Variants in DLG2 observed in about 807,000 individuals in gnomAD.
DLG2 encodes the protein discs large MAGUK scaffold protein 2.
A neutral mutation model predicts 132.5 loss-of-function variants in DLG2; 45 were observed. That is an observed-to-expected ratio of 0.34 (90% CI 0.27 to 0.44). The LOEUF is 0.44. DLG2 is among the 20% of genes least tolerant of loss of function. The pLI, the probability that DLG2 is intolerant of heterozygous loss-of-function variation, is 1.00. For synonymous variants in DLG2, 424 were observed against 419.6 expected, an observed-to-expected ratio of 1.01 and a Z score of -0.13; for missense variants, 1,045 against 1,196.9, an observed-to-expected ratio of 0.87 and a Z score of 1.87.
chr11:84,147,403 G>A (rs1049778422), intron 9 of DLG2, among the ~76,000 whole-genome samples: 2 of 152,078 alleles, frequency 1.3e-5, no homozygotes, highest in Admixed American at 6.6e-5. Flanking sequence ...TTTAATGCAC[G>A]ACAAAACACT....
At chr11:83,920,117 G>A (rs564493085) in intron 15 of DLG2, among the ~76,000 whole-genome samples, 6 of 152,208 alleles carry the variant, frequency 3.9e-5, no homozygotes, top group East Asian at 1.9e-4. Context: ...GGCTTTGGCC[G>A]CTTAGTAGTG....
At chr11:84,768,809 C>T (rs1474246860) in intron 6 of DLG2, among the ~76,000 whole-genome samples, 1 of 152,022 alleles carries the variant, frequency 6.6e-6, no homozygotes, top group Non-Finnish European at 1.5e-5. Context: ...ATCTCTCTAG[C>T]CCAGCTCCTA....
intron 3 of DLG2, among the ~76,000 whole-genome samples, chr11:85,356,729 T>C (rs1006785403): frequency 2.0e-5 from 3 of 152,154 alleles, no homozygotes; most frequent in Non-Finnish European, 4.4e-5. Flanking sequence ...GCAGGAATCA[T>C]GTCTACTTTG....
At chr11:84,625,595 G>T (rs1166151257) in intron 6 of DLG2, among the ~76,000 whole-genome samples, 1 of 152,140 alleles carries the variant, frequency 6.6e-6, no homozygotes, top group Non-Finnish European at 1.5e-5. Context: ...CCTCATTTCT[G>T]TTGGAGGAAA....
chr11:83,622,119 G>C lies in DLG2; in HGVS notation c.1940+11092C>G, dbSNP rs144843759. Reference sequence around the variant, plus strand: ...TTTGTTTTGTTTTTGGTAGAGATGGGGTTTCACCATGTTGCCCAGGCTGGT... The same window carrying C: ...TTTGTTTTGTTTTTGGTAGAGATGGCGTTTCACCATGTTGCCCAGGCTGGT... On this transcript the variant is annotated intron_variant, in intron 19 of 27. Coordinates refer to ENST00000376104, the MANE Select transcript of DLG2 (RefSeq NM_001142699.3). Among the ~76,000 whole-genome samples, 464 of 152,124 alleles carry C rather than the reference G, an allele frequency of 3.1e-3. 7 individuals carry two copies. The highest frequency in any genetic ancestry group is 0.011 in the African/African-American group (442 of 41,488).
Position 85,283,117 on chromosome 11 carries a change from G to GA in DLG2, c.186+2102dup, listed in dbSNP as rs763518171. 1.1e-4 allele frequency among the ~76,000 whole-genome samples: 17 copies of GA among 152,006 alleles called. No homozygotes were observed. The South Asian group carries it at 1.2e-3, about 11-fold the overall frequency. ...GAGGGTGGGAAGAGGGAAAGGATCA[G>GA]AAAAAATAACTACTGGTTACTTAGC... is the stretch of plus-strand genomic sequence containing the variant. On this transcript the variant is annotated intron_variant, in intron 4 of 27. Transcript: ENST00000376104.
chr11:83,462,387 C>T (rs1019039093), intron 26 of DLG2, among the ~76,000 whole-genome samples: 1 of 152,182 alleles, frequency 6.6e-6, no homozygotes, highest in African/African-American at 2.4e-5. Context: ...TAATATCCTC[C>T]ATGGTAGGCC....
At chr11:85,618,041 T>C (rs188843090) in intron 2 of DLG2, among the ~76,000 whole-genome samples, 7 of 152,328 alleles carry the variant, frequency 4.6e-5, no homozygotes, top group Non-Finnish European at 1.0e-4. Context: ...TGAAGGTGAT[T>C]TGGCCATAAT....
chr11:83,664,256 C>T (rs1054098939), intron 18 of DLG2, among the ~76,000 whole-genome samples: 1 of 152,124 alleles, frequency 6.6e-6, no homozygotes, highest in African/African-American at 2.4e-5. Flanking sequence ...AAATAGGCAG[C>T]AGTGGTGTGA....
chr11:84,709,854 A>T (rs2060181986), intron 6 of DLG2, among the ~76,000 whole-genome samples: 1 of 151,834 alleles, frequency 6.6e-6, no homozygotes, highest in African/African-American at 2.4e-5. Context: ...TAGAAAATCA[A>T]ATTATTTTTC....
intron 4 of DLG2, among the ~76,000 whole-genome samples, chr11:85,160,662 G>A (rs558002177): frequency 4.6e-5 from 7 of 152,162 alleles, no homozygotes; most frequent in South Asian, 4.2e-4. Flanking sequence ...ATGTCTTGAC[G>A]GCACAAGTAA....
chr11:84,414,949 G>T (rs2098923987), intron 7 of DLG2, among the ~76,000 whole-genome samples: 1 of 152,136 alleles, frequency 6.6e-6, no homozygotes. Flanking sequence ...AACAGAGTAT[G>T]GGTGGAATTA....
chr11:83,930,222 G>T, intron 15 of DLG2, 106 bp downstream of exon 15: 1 of 1,256,718 alleles, frequency 8.0e-7, no homozygotes, highest in Non-Finnish European at 1.1e-6. Context: ...CCACTTTGGG[G>T]AAGATGTTTA....
chr11:83,589,545 T>C (rs2097151800), intron 19 of DLG2, among the ~76,000 whole-genome samples: 2 of 150,546 alleles, frequency 1.3e-5, no homozygotes, highest in South Asian at 2.1e-4. Context: ...CATGCCAAAA[T>C]GTAAAGACCA....
At chr11:85,073,093 T>C (rs2066093668) in intron 6 of DLG2, among the ~76,000 whole-genome samples, 1 of 151,878 alleles carries the variant, frequency 6.6e-6, no homozygotes, top group Non-Finnish European at 1.5e-5. Context: ...TTTTATCATA[T>C]TAAACATATT....
At chr11:84,708,682 G>A (rs1427346289) in intron 6 of DLG2, among the ~76,000 whole-genome samples, 1 of 151,814 alleles carries the variant, frequency 6.6e-6, no homozygotes, top group African/African-American at 2.4e-5. Flanking sequence ...GCTGTAGCTA[G>A]GAACCTGTCA....
At chr11:85,225,400 C>G (rs1413273126) in intron 4 of DLG2, among the ~76,000 whole-genome samples, 1 of 152,074 alleles carries the variant, frequency 6.6e-6, no homozygotes, top group Non-Finnish European at 1.5e-5. Flanking sequence ...TCATAAACCA[C>G]AAACTTCCCG....
chr11:84,177,196 C>T (rs1454027), intron 8 of DLG2, among the ~76,000 whole-genome samples: 129,362 of 152,014 alleles, frequency 0.85, 55,375 homozygotes, highest in Middle Eastern at 0.93. Flanking sequence ...TTAGGATGGT[C>T]TTGCTTGCCA....
intron 19 of DLG2, among the ~76,000 whole-genome samples, chr11:83,550,253 A>G (rs1372722644): frequency 6.6e-6 from 1 of 152,186 alleles, no homozygotes; most frequent in East Asian, 1.9e-4. Context: ...CCCTGCAGCT[A>G]TAGCTTTTAG....
Sources: gnomAD v4.1 joint callset for allele counts (sites outside exome capture counted in the v4.1 genomes callset) on GRCh38, gnomAD v4.1.1 for gene constraint, MANE v1.5 for transcripts, NCBI Gene and HGNC (gene_info 2026-07-23, HGNC 2026-07-21) for gene names.